Variants in DNAH5 observed in about 807,000 individuals in gnomAD.
DNAH5 encodes the protein axonemal beta dynein heavy chain 5.
Under a neutral mutation model 518.2 loss-of-function variants are expected in DNAH5, and 372 were observed. The ratio of observed to expected loss-of-function variants is 0.72; its 90% CI spans 0.66 to 0.78. The LOEUF is 0.78. DNAH5 is among the 30% of genes least tolerant of loss of function. DNAH5 has a pLI of 0.00. For synonymous variants in DNAH5, 2,039 were observed against 2,025.9 expected (o/e 1.01, Z -0.17); for missense variants, 5,523 against 5,687.0 (o/e 0.97, Z 0.93).
chr5:13,910,399 G>A (rs1051477869), intron 12 of DNAH5, among the ~76,000 whole-genome samples: 2 of 152,160 alleles, frequency 1.3e-5, no homozygotes, highest in Non-Finnish European at 2.9e-5. Context: ...AACAGTGCCT[G>A]GCACATAGAA....
chr5:13,994,256 C>A (rs1424709795), intron 1 of DNAH5, among the ~76,000 whole-genome samples: 2 of 152,190 alleles, frequency 1.3e-5, no homozygotes, highest in Non-Finnish European at 2.9e-5. Flanking sequence ...TATCTCCTAA[C>A]TCTCCTGACC....
intron 4 of DNAH5, among the ~76,000 whole-genome samples, chr5:13,922,604 G>A (rs1168169851): frequency 6.6e-6 from 1 of 151,746 alleles, no homozygotes; most frequent in Non-Finnish European, 1.5e-5. Flanking sequence ...GCAGGCACCT[G>A]TAATCCCAGC....
chr5:13,835,061 G>C (rs1285561692), intron 35 of DNAH5, among the ~76,000 whole-genome samples: 1 of 152,080 alleles, frequency 6.6e-6, no homozygotes, highest in Non-Finnish European at 1.5e-5. Flanking sequence ...GAGGAGGGCA[G>C]ATCACCTGAG....
intron 1 of DNAH5, among the ~76,000 whole-genome samples, chr5:14,010,593 T>TA (rs948925650): frequency 2.6e-5 from 4 of 152,150 alleles, no homozygotes; most frequent in African/African-American, 9.7e-5. Context: ...CTTGAAATAC[T>TA]AAAAAGAGCT....
chr5:13,993,828 C>T (rs959488676), intron 1 of DNAH5, among the ~76,000 whole-genome samples: 3 of 152,204 alleles, frequency 2.0e-5, no homozygotes, highest in Non-Finnish European at 4.4e-5. Context: ...ACACAGTCCC[C>T]ACCCTCCCCA....
intron 35 of DNAH5, among the ~76,000 whole-genome samples, chr5:13,834,597 T>C (rs16902820): frequency 1.3e-5 from 2 of 152,076 alleles, no homozygotes; most frequent in African/African-American, 4.8e-5. Context: ...GTTATGAGAT[T>C]TGGAGATTGC....
intron 60 of DNAH5, among the ~76,000 whole-genome samples, chr5:13,760,799 G>A (rs1751665094): frequency 2.0e-5 from 3 of 152,220 alleles, no homozygotes; most frequent in Admixed American, 2.0e-4. Context: ...GGGTTTGCCA[G>A]TGAAGCCCCT....
rs1219772926 is a variant in DNAH5 at position 13,707,683 on chromosome 5, T to TTTA, written c.13338+437_13338+439dup. On this transcript the variant is annotated intron_variant, in intron 76 of 78. Coordinates refer to ENST00000265104, the MANE Select transcript of DNAH5 (RefSeq NM_001369.3). This position sits in a 1 kb window ranked among gnomAD's most constrained non-coding sequence, Gnocchi z 4.0. Reference sequence around the variant, plus strand: ...GATTTCGACAGCATGTAGCAGAAACTTTATTTTTTTTTTCCTTTTGGTGTG... The same window carrying TTTA: ...GATTTCGACAGCATGTAGCAGAAACTTTATTATTTTTTTTTTCCTTTTGGTGTG... 6.6e-6 allele frequency among the ~76,000 whole-genome samples: 1 copy of TTTA among 151,578 alleles called. No individual in the cohort carries two copies. Among genetic ancestry groups the TTTA allele is most frequent in the Non-Finnish European group, 1.5e-5 (1 of 68,002 alleles).
chr5:13,848,559 C>T lies in DNAH5; in HGVS notation c.5114+2093G>A, dbSNP rs140369895. ...GAAATAATTCTACAACTCACCATAA[C>T]GTAGAATCAGTGAGAGCCCTCAGCT... On this transcript the variant is annotated intron_variant, in intron 31 of 78. Coordinates refer to ENST00000265104, the MANE Select transcript of DNAH5 (RefSeq NM_001369.3). Among the ~76,000 whole-genome samples, 616 of 152,238 alleles carry T rather than the reference C, an allele frequency of 4.0e-3. 4 individuals are homozygous for T. Among genetic ancestry groups the T allele is most frequent in the African/African-American group, 0.013 (551 of 41,518 alleles).
At position 13,865,730 on chromosome 5, in the gene DNAH5, A is replaced by G. The variant is rs373649273; in HGVS notation, c.4293T>C (p.Asp1431=). The change falls in exon 27 of 79, where the codon GAT becomes GAC. Residue 1431 remains aspartate (D), a synonymous_variant. Coordinates refer to ENST00000265104, the MANE Select transcript of DNAH5 (RefSeq NM_001369.3). ...CAATATTCACCTCTGACCAAAGAAT[A>G]TCATAATAGCTATTTACAGTTTCTA... ...SVIETVNSYY[D]ILWSEVNIEK... 2.2e-5 allele frequency: 35 copies of G among 1,607,730 alleles called. No homozygotes were observed. The highest frequency in any genetic ancestry group is 2.9e-5 in the Non-Finnish European group (34 of 1,174,368).
At chr5:13,961,055 C>T (rs1460478455) in intron 1 of DNAH5, among the ~76,000 whole-genome samples, 1 of 152,182 alleles carries the variant, frequency 6.6e-6, no homozygotes, top group Admixed American at 6.5e-5. Flanking sequence ...TTTCCCCAGG[C>T]CCAGTTCTGC....
intron 15 of DNAH5, among the ~76,000 whole-genome samples, chr5:13,895,544 C>A (rs1056606259): frequency 2.6e-5 from 4 of 152,140 alleles, no homozygotes; most frequent in Non-Finnish European, 4.4e-5. Context: ...ACCCATCACC[C>A]AAAACATGTG....
At chr5:13,935,979 G>A (rs1175308170) in intron 1 of DNAH5, among the ~76,000 whole-genome samples, 5 of 152,206 alleles carry the variant, frequency 3.3e-5, no homozygotes, top group Non-Finnish European at 5.9e-5. Flanking sequence ...TCTATTCAAT[G>A]TCCAAGGAAA....
At chr5:13,954,531 A>C (rs568829368) in intron 1 of DNAH5, among the ~76,000 whole-genome samples, 1 of 152,360 alleles carries the variant, frequency 6.6e-6, no homozygotes, top group South Asian at 2.1e-4. Flanking sequence ...GTAAAAGCTT[A>C]AATAAAGTCT....
At chr5:13,740,292 C>T (rs913557252) in intron 65 of DNAH5, among the ~76,000 whole-genome samples, 9 of 151,766 alleles carry the variant, frequency 5.9e-5, no homozygotes, top group Non-Finnish European at 1.2e-4. Context: ...CAGCCTTACC[C>T]CCTGGTCTAC....
chr5:13,798,549 C>A (rs1390889559), intron 47 of DNAH5, among the ~76,000 whole-genome samples: 1 of 151,976 alleles, frequency 6.6e-6, no homozygotes, highest in Non-Finnish European at 1.5e-5. Context: ...AAAATAAATT[C>A]TCCTTCTCTT....
rs760062438 is a variant in DNAH5, at chr5:13,842,425, A to AGAAAGAGAGAGAGAGAGAGAGAGAGAG, written c.5272-522_5272-521insCTCTCTCTCTCTCTCTCTCTCTCTTTC. ...CAGAGCGAGAAAGAAAAGAAAAGAA[A>AGAAAGAGAGAGAGAGAGAGAGAGAGAG]AGAAAGAAAGAAAGAAAGAAAGAAA... On this transcript the variant is annotated intron_variant, in intron 32 of 78. Transcript: ENST00000265104. 4.2e-4 allele frequency among the ~76,000 whole-genome samples: 16 copies of AGAAAGAGAGAGAGAGAGAGAGAGAGAG among 38,148 alleles called. 1 individual carries two copies. The highest frequency in any genetic ancestry group is 9.1e-4 in the South Asian group (1 of 1,104). The allele number at this position is 38,148 out of a possible 152,430, so 25.0% of individuals were successfully genotyped here. A position where few individuals can be genotyped will look rare whatever the true frequency, so the allele number is the denominator to read the frequency against.
chr5:13,887,265 T>C (rs1015345739), intron 17 of DNAH5, among the ~76,000 whole-genome samples: 2 of 152,214 alleles, frequency 1.3e-5, no homozygotes, highest in Non-Finnish European at 2.9e-5. Flanking sequence ...GAAGATGAGA[T>C]TGATAACCTC....
At chr5:13,887,647 T>A (rs1055270002) in intron 17 of DNAH5, among the ~76,000 whole-genome samples, 2 of 152,200 alleles carry the variant, frequency 1.3e-5, no homozygotes, top group African/African-American at 4.8e-5. Flanking sequence ...AGGAACCTAC[T>A]AGACGCCATG....
Sources: gnomAD v4.1 joint callset for allele counts (sites outside exome capture counted in the v4.1 genomes callset) on GRCh38, gnomAD v4.1.1 for gene constraint, Gnocchi (gnomAD v3.1) non-coding constraint, MANE v1.5 for transcripts, NCBI Gene and HGNC (gene_info 2026-07-23, HGNC 2026-07-21) for gene names.